SAMD12: variants seen among roughly 807,000 people sequenced by gnomAD.
SAMD12 encodes the protein sterile alpha motif domain-containing protein 12.
A neutral mutation model predicts 15.0 loss-of-function variants in SAMD12; 9 were observed. The ratio of observed to expected loss-of-function variants is 0.60; its 90% confidence interval spans 0.36 to 1.05. The LOEUF (loss-of-function observed/expected upper bound fraction) is 1.05, where lower values mean the gene tolerates loss of function less well. Among genes scored for constraint, SAMD12 ranks in the 50% least tolerant of loss-of-function variants. The pLI is 0.01. For missense variants in SAMD12, 230 were observed against 234.2 expected (o/e 0.98, Z 0.12); for synonymous variants, 86 against 90.1 (o/e 0.96, Z 0.25).
intron 4 of SAMD12, among the ~76,000 whole-genome samples, chr8:118,297,778 T>C (rs1814791905): frequency 6.6e-6 from 1 of 152,220 alleles, no homozygotes; most frequent in African/African-American, 2.4e-5. Context: ...CATATGTAAT[T>C]ATGCCTTGGG....
intron 1 of SAMD12, among the ~76,000 whole-genome samples, 157 bp from the exon 2 acceptor site, chr8:118,581,050 G>A (rs1286439240): frequency 6.6e-6 from 1 of 152,162 alleles, no homozygotes; most frequent in East Asian, 1.9e-4. Context: ...TGAGGAGGGA[G>A]CACGGTATAG....
chr8:118,499,539 G>A (rs1194756123), intron 2 of SAMD12, among the ~76,000 whole-genome samples: 1 of 152,166 alleles, frequency 6.6e-6, no homozygotes, highest in Non-Finnish European at 1.5e-5. Context: ...CTCAGAGAGT[G>A]GATCTGCAGC....
chr8:118,136,442 A>C, the SAMD12 span, among the ~76,000 whole-genome samples: 2 of 152,208 alleles, frequency 1.3e-5, no homozygotes, highest in Non-Finnish European at 2.9e-5. Flanking sequence ...AAGAAGGCTT[A>C]ACTTTACCAC....
rs1484914666 is a variant in SAMD12, at chr8:118,318,286, TA to T, written c.433+61273del. On this transcript the variant is annotated intron_variant, in intron 4 of 4. Coordinates refer to the SAMD12 transcript ENST00000409003. ...AATTCACAATTGCCAATGAGTAGAT[TA>T]AAAAAATATGGGAGATATATGTGTA... Among the ~76,000 whole-genome samples, 8 of 131,038 alleles carry T rather than the reference TA, an allele frequency of 6.1e-5. 1 individual carries two copies. The highest frequency in any genetic ancestry group is 2.4e-4 in the South Asian group (1 of 4,120). The allele number at this position is 131,038 out of a possible 152,430, so 86.0% of individuals were successfully genotyped here.
the SAMD12 span, among the ~76,000 whole-genome samples, chr8:118,159,360 C>T: frequency 1.6e-4 from 24 of 152,202 alleles, no homozygotes; most frequent in Non-Finnish European, 3.2e-4. Flanking sequence ...CCACAGCCAG[C>T]ATGCCTGGCT....
chr8:118,479,416 T>G (rs1365828437), intron 2 of SAMD12, among the ~76,000 whole-genome samples: 4 of 152,216 alleles, frequency 2.6e-5, no homozygotes, highest in Non-Finnish European at 5.9e-5. Context: ...ACCTCTTACA[T>G]GGCAGCGGCA....
At chr8:118,344,922 A>C (rs1202163434) in intron 4 of SAMD12, among the ~76,000 whole-genome samples, 1 of 152,182 alleles carries the variant, frequency 6.6e-6, no homozygotes, top group Non-Finnish European at 1.5e-5. Flanking sequence ...GTAACATTAC[A>C]GTACTATTAT....
At chr8:118,544,054 A>C (rs531677097) in intron 2 of SAMD12, among the ~76,000 whole-genome samples, 1 of 152,010 alleles carries the variant, frequency 6.6e-6, no homozygotes, top group African/African-American at 2.4e-5. Context: ...TCTGTTCCCA[A>C]TCCACCCTAC....
intron 4 of SAMD12, among the ~76,000 whole-genome samples, chr8:118,314,410 TTGTG>T (rs10618138): frequency 3.3e-5 from 5 of 152,104 alleles, no homozygotes; most frequent in South Asian, 2.1e-4. Flanking sequence ...TTACAAGCAC[TTGTG>T]TGTGTGTTTG....
chr8:118,503,983 T>C (rs10111998), intron 2 of SAMD12, among the ~76,000 whole-genome samples: 7,778 of 152,228 alleles, frequency 0.051, 636 homozygotes, highest in African/African-American at 0.17. Flanking sequence ...AATTTTGTAA[T>C]AGTTTTGTAG....
At chr8:118,272,044 G>C (rs994061469) in intron 4 of SAMD12, among the ~76,000 whole-genome samples, 2 of 152,198 alleles carry the variant, frequency 1.3e-5, no homozygotes, top group Non-Finnish European at 2.9e-5. Flanking sequence ...CTGTGTGGGG[G>C]CTCCGATCCC....
chr8:118,163,819 G>A, the SAMD12 span, among the ~76,000 whole-genome samples: 1 of 152,000 alleles, frequency 6.6e-6, no homozygotes, highest in Non-Finnish European at 1.5e-5. Context: ...AGCTTGCAGT[G>A]AGCCGAGATC....
chr8:118,190,934 G>A (rs1819351984), exon 5 of SAMD12: 1 of 152,048 alleles, frequency 6.6e-6, no homozygotes, highest in Non-Finnish European at 1.5e-5. Flanking sequence ...ACAACAGATC[G>A]ATATTTTCTT....
At chr8:118,189,078 A>G (rs1819293004), downstream of SAMD12, among the ~76,000 whole-genome samples, 1 of 152,074 alleles carries the variant, frequency 6.6e-6, no homozygotes, top group Non-Finnish European at 1.5e-5. Context: ...GTGGGCCAAG[A>G]TCTGTTGTCC....
intron 4 of SAMD12, among the ~76,000 whole-genome samples, chr8:118,283,257 A>G (rs1192686393): frequency 6.6e-6 from 1 of 152,146 alleles, no homozygotes; most frequent in Non-Finnish European, 1.5e-5. Context: ...ATTCATTTAG[A>G]TCTTATTCCT....
At chr8:118,319,000 C>T (rs1816090789) in intron 4 of SAMD12, among the ~76,000 whole-genome samples, 1 of 152,056 alleles carries the variant, frequency 6.6e-6, no homozygotes, top group Non-Finnish European at 1.5e-5. Flanking sequence ...AGCTGGACCA[C>T]CTTGCATGAG....
At chr8:118,552,685 A>G (rs1826379877) in intron 2 of SAMD12, among the ~76,000 whole-genome samples, 1 of 152,216 alleles carries the variant, frequency 6.6e-6, no homozygotes, top group Non-Finnish European at 1.5e-5. Flanking sequence ...GGCCACGGCA[A>G]TTAGGCAGGA....
At chr8:118,204,525 C>T (rs1015988229) in intron 4 of SAMD12, among the ~76,000 whole-genome samples, 3 of 152,034 alleles carry the variant, frequency 2.0e-5, no homozygotes, top group Admixed American at 6.6e-5. Context: ...GAGGCCGAGC[C>T]GGGCAGATCA....
At chr8:118,256,733 T>C (rs1011673189) in intron 4 of SAMD12, among the ~76,000 whole-genome samples, 2 of 151,208 alleles carry the variant, frequency 1.3e-5, no homozygotes, top group Non-Finnish European at 2.9e-5. Flanking sequence ...TAAATGATTA[T>C]AAAATGGGCA....
Sources: gnomAD v4.1 joint callset for allele counts (sites outside exome capture counted in the v4.1 genomes callset) on GRCh38, gnomAD v4.1.1 for gene constraint, MANE v1.5 for transcripts, NCBI Gene and HGNC (gene_info 2026-07-23, HGNC 2026-07-21) for gene names.